Variants in MED25 observed in about 807,000 individuals in gnomAD.
MED25 encodes mediator of RNA polymerase II transcription subunit 25.
MED25 carries 62 observed loss-of-function variants against 89.4 expected under a neutral mutation model. That is an observed-to-expected ratio of 0.69 (90% CI 0.57 to 0.86). The LOEUF (loss-of-function observed/expected upper bound fraction) is 0.86, where lower values mean the gene tolerates loss of function less well. MED25 is among the 40% of genes least tolerant of loss of function. The pLI, the probability that MED25 is intolerant of heterozygous loss-of-function variation, is 0.00. For missense variants in MED25, 905 were observed against 1,005.2 expected, an observed-to-expected ratio of 0.90 and a Z score of 1.35; for synonymous variants, 449 against 427.9, an observed-to-expected ratio of 1.05 and a Z score of -0.61.
chr19:49,819,525 C>T (rs1481053225), intron 3 of MED25: 3 of 547,334 alleles, frequency 5.5e-6, no homozygotes, highest in East Asian at 7.0e-5. Context: ...GGAAACATCT[C>T]ATACATTAAG....
downstream of MED25, chr19:49,838,591 AAGAG>A (rs2074115387): frequency 2.2e-6 from 1 of 457,354 alleles, no homozygotes; most frequent in Non-Finnish European, 4.4e-6. Context: ...GGCAAAACGA[AAGAG>A]AGAAGGAGAG....
downstream of MED25, chr19:49,837,028 C>T (rs931982142): frequency 1.0e-4 from 112 of 1,093,464 alleles, no homozygotes; most frequent in Non-Finnish European, 1.4e-4. Context: ...CAGGAGGAAA[C>T]CCCAGGGGGC....
chr19:49,832,105 C>T lies in MED25; in HGVS notation c.1322C>T (p.Thr441Met), dbSNP rs754342751. The T allele has an allele frequency of 6.2e-6, 10 of 1,613,372 alleles. No homozygotes were observed. Among genetic ancestry groups the T allele is most frequent in the East Asian group, 2.2e-5 (1 of 44,884 alleles). Residue 441 changes from threonine (T) to methionine (M), a missense_variant, in exon 12 of 18, where the codon ACG becomes ATG. This residue lies in a region of MED25 where 133 missense variants were observed against 220.2 expected (regional missense o/e 0.60). Coordinates refer to ENST00000312865, the MANE Select transcript of MED25 (RefSeq NM_030973.4). ...VYVNHGENLKTEQWPQKLIMQ... is the reference protein window; with the variant it reads ...VYVNHGENLKMEQWPQKLIMQ... Reference sequence around the variant, plus strand: ...TCTCCTGGCATCGCCCCCAGGAAGACGGAGCAGTGGCCCCAGAAGCTGATC... The same window carrying T: ...TCTCCTGGCATCGCCCCCAGGAAGATGGAGCAGTGGCCCCAGAAGCTGATC...
intron 3 of MED25, among the ~76,000 whole-genome samples, chr19:49,821,020 TCTAA>T (rs2073978120): frequency 6.6e-6 from 1 of 152,264 alleles, no homozygotes; most frequent in Non-Finnish European, 1.5e-5. Context: ...ACATTTATTA[TCTAA>T]CGCAGTTTCT....
intron 3 of MED25, among the ~76,000 whole-genome samples, chr19:49,823,395 C>G (rs1174411291): frequency 1.3e-5 from 2 of 152,164 alleles, no homozygotes; most frequent in African/African-American, 4.8e-5. Context: ...CGCAACCTCA[C>G]AGCGATGTTT....
At position 49,835,471 on chromosome 19, in the gene MED25, C is replaced by A; in HGVS notation, c.1675-63C>A. On this transcript the variant is annotated intron_variant, in intron 14 of 17. Transcript: ENST00000312865. The surrounding 1 kb of genome is among the most constrained non-coding windows in gnomAD (Gnocchi z 6.2). ...TAGTTCCCCTCAGGGCACAGGCCCTCCCGCCTCAGATTCAGGATGCCACCA... is the reference window on the plus strand; with the variant it reads ...TAGTTCCCCTCAGGGCACAGGCCCTACCGCCTCAGATTCAGGATGCCACCA... The A allele has an allele frequency of 6.8e-7, 1 of 1,462,994 alleles. No homozygotes were observed. Among genetic ancestry groups the A allele is most frequent in the Non-Finnish European group, 9.2e-7 (1 of 1,091,092 alleles). The allele number at this position is 1,462,994 out of a possible 1,614,324, so 90.6% of individuals were successfully genotyped here.
At chr19:49,819,691 C>T (rs766988027) in intron 3 of MED25, 1 of 346,644 alleles carries the variant, frequency 2.9e-6, no homozygotes, top group Non-Finnish European at 5.6e-6. Flanking sequence ...CTTGTACTCC[C>T]TGTGTGATTG....
Position 49,829,696 on chromosome 19 carries a change from C to A in MED25, c.526-90C>A. On this transcript the variant is annotated intron_variant, in intron 5 of 17. Transcript: ENST00000312865. This position sits in a 1 kb window ranked among gnomAD's most constrained non-coding sequence, Gnocchi z 4.6. ...TTGTGGTTGTAGGGCTGGTGCCGTC[C>A]AGCCACACAGCAGTTGTGGTAGGTT... 1 of 1,393,472 alleles carries A rather than the reference C, an allele frequency of 7.2e-7. No homozygotes were observed. The highest frequency in any genetic ancestry group is 9.9e-7 in the Non-Finnish European group (1 of 1,012,520). 86.3% of individuals were successfully genotyped at this position (1,393,472 alleles called of 1,614,324 possible).
At position 49,835,857 on chromosome 19, in the gene MED25, C is replaced by T; in HGVS notation, c.1877C>T (p.Ser626Phe). ...GAPQGPPGAASGPPPPGPILR... is the reference protein window; with the variant it reads ...GAPQGPPGAAFGPPPPGPILR... Reference sequence around the variant, plus strand: ...CCTCAAGGCCCTCCTGGAGCAGCTTCTGGCCCACCCCCTCCTGGACCCATC... The same window carrying T: ...CCTCAAGGCCCTCCTGGAGCAGCTTTTGGCCCACCCCCTCCTGGACCCATC... The change falls in exon 16 of 18, where the codon TCT becomes TTT. Residue 626 changes from serine (S) to phenylalanine (F), a missense_variant. By Grantham distance (155) the Ser-to-Phe change is radical. This residue lies in a region of MED25 where 271 missense variants were observed against 258.1 expected (regional missense o/e 1.05). Coordinates refer to ENST00000312865, the MANE Select transcript of MED25 (RefSeq NM_030973.4). The surrounding 1 kb of genome is among the most constrained non-coding windows in gnomAD (Gnocchi z 6.2). 1 of 1,612,640 alleles carries T rather than the reference C, an allele frequency of 6.2e-7. No homozygotes were observed. The highest frequency in any genetic ancestry group is 1.3e-5 in the African/African-American group (1 of 75,036).
At position 49,818,336 on chromosome 19, in the gene MED25, C is replaced by T. The variant is rs1372447576; in HGVS notation, c.-6C>T. ...TGCAGTGGTGGTGGCGGGTACCGCA[C>T]GGGGTATGGTCCCCGGGTCCGAGGG... On this transcript the variant is annotated 5_prime_UTR_variant, in exon 1 of 18. The change creates a new upstream start codon in the 5' untranslated region. Coordinates refer to ENST00000312865, the MANE Select transcript of MED25 (RefSeq NM_030973.4). 6.3e-7 allele frequency: 1 copy of T among 1,577,486 alleles called. No individual in the cohort carries two copies. The highest frequency in any genetic ancestry group is 1.1e-5 in the South Asian group (1 of 88,738).
chr19:49,828,854 C>T (rs976783691), intron 4 of MED25, 116 bp from the exon 5 acceptor site: 31 of 1,540,606 alleles, frequency 2.0e-5, no homozygotes, highest in African/African-American at 5.5e-5. Context: ...AAAGTAGGGG[C>T]GTTGCTTCTG....
Position 49,831,801 on chromosome 19 carries a change from A to C in MED25, c.1231-135A>C, listed in dbSNP as rs2074059476. 3 of 828,998 alleles carry C rather than the reference A, an allele frequency of 3.6e-6. No individual in the cohort carries two copies. Among genetic ancestry groups the C allele is most frequent in the Non-Finnish European group, 6.2e-6 (3 of 486,782 alleles). The allele number at this position is 828,998 out of a possible 1,614,324, so 51.4% of individuals were successfully genotyped here. ...AGGAACTGAAGGCTTGCTGGTCTGG[A>C]GGAGGGGCCTGGGGCTCATGGGACT... On this transcript the variant is annotated intron_variant, in intron 10 of 17. Transcript: ENST00000312865. The surrounding 1 kb of genome is among the most constrained non-coding windows in gnomAD (Gnocchi z 5.0).
At chr19:49,822,480 G>A (rs1317398980) in intron 3 of MED25, among the ~76,000 whole-genome samples, 1 of 151,570 alleles carries the variant, frequency 6.6e-6, no homozygotes, top group African/African-American at 2.4e-5. Context: ...CTGCAATGTT[G>A]CCCAGGCTGG....
At chr19:49,823,858 T>C (rs958257141) in intron 3 of MED25, among the ~76,000 whole-genome samples, 3 of 152,108 alleles carry the variant, frequency 2.0e-5, no homozygotes, top group African/African-American at 4.8e-5. Context: ...TCCTGGGTAT[T>C]GTAGGATGTT....
chr19:49,818,314 A>C lies in MED25; in HGVS notation c.-28A>C, dbSNP rs773458411. The C allele has an allele frequency of 3.2e-6, 5 of 1,567,846 alleles. No homozygotes were observed. Among genetic ancestry groups the C allele is most frequent in the Non-Finnish European group, 2.6e-6 (3 of 1,155,968 alleles). On this transcript the variant is annotated 5_prime_UTR_variant, in exon 1 of 18. Transcript: ENST00000312865. ...ATTCCGCGGCGTCGGCTGCGGCTGC[A>C]GTGGTGGTGGCGGGTACCGCACGGG...
At position 49,834,886 on chromosome 19, in the gene MED25, A is replaced by G; in HGVS notation, c.1483-100A>G. 8.1e-7 allele frequency: 1 copy of G among 1,242,182 alleles called. No individual in the cohort carries two copies. Among genetic ancestry groups the G allele is most frequent in the Non-Finnish European group, 1.2e-6 (1 of 850,532 alleles). 76.9% of individuals were successfully genotyped at this position (1,242,182 alleles called of 1,614,324 possible). On this transcript the variant is annotated intron_variant, in intron 13 of 17. Transcript: ENST00000312865. This position sits in a 1 kb window ranked among gnomAD's most constrained non-coding sequence, Gnocchi z 4.1. ...CCTTCTATAGCAGAAACCTCACCTC[A>G]CCTTGCCTGTGGGGCCTCTAGAGCC...
At position 49,835,752 on chromosome 19, in the gene MED25, A is replaced by G. The variant is rs1336932545; in HGVS notation, c.1772A>G (p.Gln591Arg). 1 of 1,610,718 alleles carries G rather than the reference A, an allele frequency of 6.2e-7. No individual in the cohort carries two copies. Among genetic ancestry groups the G allele is most frequent in the South Asian group, 1.1e-5 (1 of 90,776 alleles). Residue 591 changes from glutamine (Q) to arginine (R), a missense_variant, in exon 16 of 18, where the codon CAG becomes CGG. Gln to Arg is a conservative substitution (Grantham distance 43). Around this residue, in one of 3 missense-constraint regions of MED25, gnomAD observed 271 missense variants for 258.1 expected, o/e 1.05. Coordinates refer to ENST00000312865, the MANE Select transcript of MED25 (RefSeq NM_030973.4). The surrounding 1 kb of genome is among the most constrained non-coding windows in gnomAD (Gnocchi z 6.2). ...CTCCAGCTCCGCCCACCGCAGCCCC[A>G]GCCTCAGGGTACCGTAGGGGCCTCT... is the stretch of plus-strand genomic sequence containing the variant. Reference protein sequence around the residue: ...NLLQLRPPQPQPQGTVGASGA... With the variant: ...NLLQLRPPQPRPQGTVGASGA...
At position 49,831,216 on chromosome 19, in the gene MED25, G is replaced by A. The variant is rs1055456668; in HGVS notation, c.1102-117G>A. On this transcript the variant is annotated intron_variant, in intron 9 of 17. Coordinates refer to ENST00000312865, the MANE Select transcript of MED25 (RefSeq NM_030973.4). The surrounding 1 kb of genome is among the most constrained non-coding windows in gnomAD (Gnocchi z 5.0). ...CTGCGGCTGGCCAAGTGCTGTTCTG[G>A]GGATGGAGGGGCAGAAGAAGGGATC... 1.6e-5 allele frequency: 19 copies of A among 1,169,312 alleles called. No individual in the cohort carries two copies. The South Asian group carries it at 2.3e-4, about 14-fold the overall frequency. The allele number at this position is 1,169,312 out of a possible 1,614,324, so 72.4% of individuals were successfully genotyped here. A position where few individuals can be genotyped will look rare whatever the true frequency, so the allele number is the denominator to read the frequency against.
In MED25 at chr19:49,834,993, G is replaced by T; in HGVS notation, c.1490G>T (p.Cys497Phe). The change falls in exon 14 of 18, where the codon TGC (cysteine) becomes TTC (phenylalanine). Residue 497 changes from cysteine to phenylalanine, a missense_variant. By Grantham distance (205) the Cys-to-Phe change is radical. This residue lies in a region of MED25 where 133 missense variants were observed against 220.2 expected (regional missense o/e 0.60). Transcript: ENST00000312865. This position sits in a 1 kb window ranked among gnomAD's most constrained non-coding sequence, Gnocchi z 4.1. ...YRIMGNGFAGCVHFPHTAPCE... is the reference protein window; with the variant it reads ...YRIMGNGFAGFVHFPHTAPCE... ...GAGCTGTTGTCCACCCAGGCGGGCT[G>T]CGTGCACTTCCCCCACACGGCGCCC... is the stretch of plus-strand genomic sequence containing the variant. 1 of 1,614,058 alleles carries T rather than the reference G, an allele frequency of 6.2e-7. No individual in the cohort carries two copies. Among genetic ancestry groups the T allele is most frequent in the Non-Finnish European group, 8.5e-7 (1 of 1,180,026 alleles).
Sources: gnomAD v4.1 joint callset for allele counts (sites outside exome capture counted in the v4.1 genomes callset) on GRCh38, gnomAD v4.1.1 for gene constraint, gnomAD v4.1.1 regional missense constraint, Gnocchi (gnomAD v3.1) non-coding constraint, MANE v1.5 for transcripts, NCBI Gene and HGNC (gene_info 2026-07-23, HGNC 2026-07-21) for gene names.